The following NAA35 variants were observed in gnomAD, a reference collection of about 807,000 sequenced individuals.
The protein encoded by NAA35 is MAK10 homolog, amino-acid N-acetyltransferase subunit.
Under a neutral mutation model 101.7 loss-of-function variants are expected in NAA35, and 18 were observed. The ratio of observed to expected loss-of-function variants is 0.18; its 90% confidence interval spans 0.12 to 0.26. The LOEUF is 0.26. Among genes scored for constraint, NAA35 ranks in the 10% least tolerant of loss-of-function variants. The pLI is 1.00. For synonymous variants in NAA35, 267 were observed against 273.1 expected, an observed-to-expected ratio of 0.98 and a Z score of 0.22; for missense variants, 601 against 886.8, an observed-to-expected ratio of 0.68 and a Z score of 4.09.
At chr9:85,988,214 A>G (rs1798701019) in intron 11 of NAA35, among the ~76,000 whole-genome samples, 1 of 152,240 alleles carries the variant, frequency 6.6e-6, no homozygotes, top group Non-Finnish European at 1.5e-5. Context: ...GTGATATCAT[A>G]ATCAAAAAAG....
At chr9:85,954,699 T>G (rs1051889463) in intron 2 of NAA35, among the ~76,000 whole-genome samples, 2 of 152,200 alleles carry the variant, frequency 1.3e-5, no homozygotes, top group Non-Finnish European at 2.9e-5. Flanking sequence ...TGTCTTGATT[T>G]GTGCTGAAGC....
chr9:85,992,179 A>AC (rs971790753), intron 11 of NAA35, among the ~76,000 whole-genome samples: 2 of 148,194 alleles, frequency 1.3e-5, no homozygotes, highest in African/African-American at 5.2e-5. Context: ...GTCTCAAAAA[A>AC]AAAAAAATAA....
chr9:86,008,126 C>T (rs7019995), intron 14 of NAA35, among the ~76,000 whole-genome samples: 6,799 of 152,308 alleles, frequency 0.045, 547 homozygotes, highest in East Asian at 0.36. Flanking sequence ...GCAGTGGCAT[C>T]ATCTCAGCTT....
intron 2 of NAA35, among the ~76,000 whole-genome samples, chr9:85,945,964 C>A (rs1052944498): frequency 1.3e-5 from 2 of 151,992 alleles, no homozygotes; most frequent in African/African-American, 4.8e-5. Context: ...TATTTTATTT[C>A]CTACTAGGCA....
At chr9:85,996,065 A>G (rs1463283101) in intron 11 of NAA35, among the ~76,000 whole-genome samples, 1 of 152,132 alleles carries the variant, frequency 6.6e-6, no homozygotes, top group Non-Finnish European at 1.5e-5. Context: ...TGGTTAATGT[A>G]TCATTTCCTC....
At chr9:85,944,304 A>G (rs1484085423) in intron 2 of NAA35, among the ~76,000 whole-genome samples, 1 of 152,246 alleles carries the variant, frequency 6.6e-6, no homozygotes, top group East Asian at 1.9e-4. Flanking sequence ...CTATAGTAGC[A>G]TTCAATGATG....
At chr9:86,009,970 A>G in intron 15 of NAA35, 39 bp downstream of exon 15, 2 of 1,538,154 alleles carry the variant, frequency 1.3e-6, no homozygotes, top group Non-Finnish European at 1.8e-6. Flanking sequence ...TGGGTACTTT[A>G]AAAATCATGG....
In NAA35 at chr9:85,953,239, T is replaced by A. The variant is rs747240012; in HGVS notation, c.125-3121T>A. Among the ~76,000 whole-genome samples the A allele has an allele frequency of 7.9e-4, 119 of 150,958 alleles. No individual in the cohort carries two copies. The East Asian group carries it at 0.021, about 27-fold the overall frequency. On this transcript the variant is annotated intron_variant, in intron 2 of 22. Transcript: ENST00000361671. The stretch of plus-strand genomic sequence containing the variant: ...GAGATTTTTTTTTTTTTTTTTTTTT[T>A]ACCGGCTTAACCATTTTTAAGTGTA...
chr9:85,980,087 A>C (rs73474799), intron 11 of NAA35, among the ~76,000 whole-genome samples: 10,144 of 152,196 alleles, frequency 0.067, 1,112 homozygotes, highest in African/African-American at 0.23. Flanking sequence ...TGGTGTGTTT[A>C]CTGGTTTATT....
At chr9:86,011,902 T>A (rs1298338426) in intron 15 of NAA35, among the ~76,000 whole-genome samples, 1 of 139,604 alleles carries the variant, frequency 7.2e-6, no homozygotes, top group Non-Finnish European at 1.5e-5. Context: ...ATGATATATA[T>A]TAATATATAT....
At position 86,009,891 on chromosome 9, in the gene NAA35, C is replaced by T. The variant is rs559244542; in HGVS notation, c.1250C>T (p.Ala417Val). The change falls in exon 15 of 23, where the codon GCT becomes GTT. Residue 417 changes from alanine to valine, a missense_variant. Physicochemically the swap from Ala to Val is moderately conservative, Grantham distance 64. Around this residue, in one of 8 missense-constraint regions of NAA35, gnomAD observed 190 missense variants for 223.1 expected, o/e 0.85. Transcript: ENST00000361671. ...TGCTACCTATATAATAATCACCAGG[C>T]TAAGGACTGTATCGACTCCTTTGTT... ...PKCYLYNNHQAKDCIDSFVTH... is the reference protein window; with the variant it reads ...PKCYLYNNHQVKDCIDSFVTH... 1.2e-6 allele frequency: 2 copies of T among 1,613,208 alleles called. No individual in the cohort carries two copies. Among genetic ancestry groups the T allele is most frequent in the Non-Finnish European group, 1.7e-6 (2 of 1,179,304 alleles).
chr9:86,019,651 T>C (rs1453243413), intron 21 of NAA35, among the ~76,000 whole-genome samples: 1 of 152,178 alleles, frequency 6.6e-6, no homozygotes, highest in Non-Finnish European at 1.5e-5. Flanking sequence ...ATTTACCATA[T>C]CCCTAATTTT....
chr9:85,942,140 G>A lies in NAA35; in HGVS notation c.-5-15G>A. 2.5e-6 allele frequency: 4 copies of A among 1,609,238 alleles called. No individual in the cohort carries two copies. The highest frequency in any genetic ancestry group is 1.1e-5 in the South Asian group (1 of 90,014). On this transcript the variant is annotated splice_polypyrimidine_tract_variant and intron_variant, in intron 1 of 22. Transcript: ENST00000361671. ...AAGCTACATCCTCTCTCTTACATCAGTATTAATTTTACAGGCATAATGGTT... is the reference window on the plus strand; with the variant it reads ...AAGCTACATCCTCTCTCTTACATCAATATTAATTTTACAGGCATAATGGTT...
chr9:85,978,240 GA>G (rs760370798), intron 10 of NAA35, 26 bp from the exon 11 acceptor site: 27 of 1,322,584 alleles, frequency 2.0e-5, no homozygotes, highest in Non-Finnish European at 2.8e-5. Context: ...GAATATGTAA[GA>G]ATGTTTTTGG....
At chr9:85,990,655 T>C (rs965228233) in intron 11 of NAA35, among the ~76,000 whole-genome samples, 12 of 152,374 alleles carry the variant, frequency 7.9e-5, no homozygotes, top group African/African-American at 2.4e-4. Context: ...CTTGCTCTTC[T>C]TTCCTTCTCT....
At chr9:85,955,356 ATATATTTT>A (rs1240268823) in intron 2 of NAA35, among the ~76,000 whole-genome samples, 4 of 44,166 alleles carry the variant, frequency 9.1e-5, no homozygotes, top group Admixed American at 2.7e-4. Flanking sequence ...ATATATATAT[ATATATTTT>A]TTTTTTTTTT....
At chr9:85,941,386 G>A in intron 1 of NAA35, 113 bp downstream of exon 1, 2 of 985,468 alleles carry the variant, frequency 2.0e-6, no homozygotes, top group Non-Finnish European at 2.4e-6. Context: ...TGCGGCCCCG[G>A]CCCTCCCGCT....
chr9:86,005,990 G>A (rs1293611942), intron 13 of NAA35, among the ~76,000 whole-genome samples: 1 of 151,798 alleles, frequency 6.6e-6, no homozygotes, highest in Non-Finnish European at 1.5e-5. Flanking sequence ...GGCCAAGATA[G>A]TGAAACCCCA....
At chr9:85,969,525 G>T (rs574365479) in intron 6 of NAA35, among the ~76,000 whole-genome samples, 26 of 152,174 alleles carry the variant, frequency 1.7e-4, no homozygotes, top group Non-Finnish European at 2.9e-4. Context: ...TTACCCCTCT[G>T]CTAGATAATT....
Sources: allele counts gnomAD v4.1 joint callset (sites outside exome capture counted in the v4.1 genomes callset), GRCh38; gene constraint gnomAD v4.1.1; regional missense constraint gnomAD v4.1.1; transcripts MANE v1.5; gene names NCBI Gene and HGNC (gene_info 2026-07-23, HGNC 2026-07-21).